The following FOXP2 variants were observed in gnomAD, a reference collection of about 807,000 sequenced individuals.
The protein encoded by FOXP2 is forkhead box protein P2.
Under a neutral mutation model 115.8 loss-of-function variants are expected in FOXP2, and 12 were observed. The ratio of observed to expected loss-of-function variants is 0.10; its 90% CI spans 0.07 to 0.17. The LOEUF (loss-of-function observed/expected upper bound fraction) is 0.17, where lower values mean the gene tolerates loss of function less well. Among genes scored for constraint, FOXP2 ranks in the 10% least tolerant of loss-of-function variants. FOXP2 has a pLI of 1.00. For missense variants in FOXP2, 629 were observed against 843.5 expected, an observed-to-expected ratio of 0.75 and a Z score of 3.15; for synonymous variants, 328 against 297.7, an observed-to-expected ratio of 1.10 and a Z score of -1.05.
chr7:114,279,196 C>T (rs1584603049), intron 1 of FOXP2, among the ~76,000 whole-genome samples: 1 of 152,160 alleles, frequency 6.6e-6, no homozygotes, highest in Middle Eastern at 3.4e-3. Context: ...ACCCTTGAAA[C>T]GTTTTTATAA....
chr7:114,360,843 A>C (rs1791729182), intron 2 of FOXP2, among the ~76,000 whole-genome samples: 1 of 152,230 alleles, frequency 6.6e-6, no homozygotes, highest in African/African-American at 2.4e-5. Flanking sequence ...TGAGCCGAAT[A>C]GCATGTCAGC....
chr7:114,348,792 C>G (rs1242886424), intron 2 of FOXP2, among the ~76,000 whole-genome samples: 2 of 151,994 alleles, frequency 1.3e-5, no homozygotes, highest in African/African-American at 4.8e-5. Context: ...GAGAGAGATG[C>G]TTTTGCAAGG....
chr7:114,557,490 T>C (rs1366117553), intron 3 of FOXP2, among the ~76,000 whole-genome samples: 1 of 146,094 alleles, frequency 6.8e-6, no homozygotes, highest in East Asian at 2.0e-4. Flanking sequence ...TTAAATATAA[T>C]AAGAAGTATT....
At chr7:114,392,303 T>C (rs1792623883) in intron 2 of FOXP2, among the ~76,000 whole-genome samples, 1 of 152,156 alleles carries the variant, frequency 6.6e-6, no homozygotes, top group Admixed American at 6.5e-5. Context: ...GAAGCCACAA[T>C]TGACTTGGGG....
intron 3 of FOXP2, among the ~76,000 whole-genome samples, chr7:114,555,707 G>T (rs762919545): frequency 6.6e-6 from 1 of 152,156 alleles, no homozygotes. Context: ...TGAGGCAGGA[G>T]AGTCACTTGA....
chr7:114,626,573 C>T (rs895829289), intron 3 of FOXP2, among the ~76,000 whole-genome samples: 6 of 151,490 alleles, frequency 4.0e-5, no homozygotes, highest in African/African-American at 1.5e-4. Flanking sequence ...CTATATATAT[C>T]CATGTACATG....
intron 1 of FOXP2, among the ~76,000 whole-genome samples, chr7:114,244,864 C>A (rs552350237): frequency 6.6e-6 from 1 of 151,904 alleles, no homozygotes; most frequent in Non-Finnish European, 1.5e-5. Flanking sequence ...CGGGTTCACG[C>A]CATTCTCCTG....
At chr7:114,447,911 G>A (rs1447348229) in intron 2 of FOXP2, among the ~76,000 whole-genome samples, 1 of 152,088 alleles carries the variant, frequency 6.6e-6, no homozygotes, top group Non-Finnish European at 1.5e-5. Flanking sequence ...GAATGCATCT[G>A]AGAGCTGGAA....
At chr7:114,476,460 T>G (rs969290701) in intron 2 of FOXP2, among the ~76,000 whole-genome samples, 5 of 152,068 alleles carry the variant, frequency 3.3e-5, no homozygotes, top group African/African-American at 1.2e-4. Flanking sequence ...GAGTTTTCTA[T>G]TCTGTTCTAT....
intron 2 of FOXP2, among the ~76,000 whole-genome samples, chr7:114,288,978 T>C (rs1456571011): frequency 1.3e-5 from 2 of 151,834 alleles, no homozygotes; most frequent in Non-Finnish European, 3.0e-5. Flanking sequence ...ATGAGCATAG[T>C]ATAGGCCTCA....
At chr7:114,622,575 G>C (rs1043775292) in intron 3 of FOXP2, among the ~76,000 whole-genome samples, 2 of 151,854 alleles carry the variant, frequency 1.3e-5, no homozygotes, top group African/African-American at 4.8e-5. Context: ...TCTTTGTTTT[G>C]GAGAGCAGTG....
At chr7:114,484,403 C>G (rs568686474) in intron 2 of FOXP2, among the ~76,000 whole-genome samples, 2 of 151,906 alleles carry the variant, frequency 1.3e-5, no homozygotes, top group East Asian at 3.9e-4. Flanking sequence ...ATTGATGTTA[C>G]TATTTTGGTG....
At chr7:114,386,207 A>G (rs577671861) in intron 2 of FOXP2, among the ~76,000 whole-genome samples, 1 of 152,238 alleles carries the variant, frequency 6.6e-6, no homozygotes, top group Non-Finnish European at 1.5e-5. Context: ...AGCTCGAGCC[A>G]TAACAAATGT....
intron 1 of FOXP2, among the ~76,000 whole-genome samples, chr7:114,256,666 A>T (rs1562840454): frequency 6.6e-6 from 1 of 152,200 alleles, no homozygotes; most frequent in Non-Finnish European, 1.5e-5. Flanking sequence ...GTTCACTCTG[A>T]TGATAGTTTC....
upstream of FOXP2, among the ~76,000 whole-genome samples, chr7:114,413,568 A>G (rs899915673): frequency 3.3e-5 from 5 of 152,172 alleles, no homozygotes; most frequent in Non-Finnish European, 7.4e-5. Context: ...ACGGTTTTGT[A>G]TCACAGAGCT....
intron 7 of FOXP2, among the ~76,000 whole-genome samples, 156 bp downstream of exon 7, chr7:114,642,779 A>ATAATATATATATATATATAT (rs1491273950): frequency 1.1e-5 from 1 of 91,176 alleles, no homozygotes; most frequent in African/African-American, 4.9e-5. Context: ...TTTTATATAT[A>ATAATATATATATATATATAT]ATATATATAT....
intron 16 of FOXP2, among the ~76,000 whole-genome samples, chr7:114,671,181 C>T (rs998849399): frequency 6.6e-6 from 1 of 151,978 alleles, no homozygotes; most frequent in Admixed American, 6.6e-5. Flanking sequence ...ATTATGCCAG[C>T]TCTTTATCAT....
chr7:114,579,024 C>A (rs998297365), intron 3 of FOXP2, among the ~76,000 whole-genome samples: 4 of 152,106 alleles, frequency 2.6e-5, no homozygotes, highest in African/African-American at 9.7e-5. Context: ...TTTACATTTT[C>A]TCTTTATTTA....
chr7:114,137,467 C>T (rs1792070432), intron 1 of FOXP2, among the ~76,000 whole-genome samples: 1 of 152,080 alleles, frequency 6.6e-6, no homozygotes, highest in South Asian at 2.1e-4. Flanking sequence ...TTTCAATAAA[C>T]TTGTGTTCAT....
Sources: allele counts gnomAD v4.1 joint callset (sites outside exome capture counted in the v4.1 genomes callset), GRCh38; gene constraint gnomAD v4.1.1; transcripts MANE v1.5; gene names NCBI Gene and HGNC (gene_info 2026-07-23, HGNC 2026-07-21).